FOXN2: variants seen among roughly 807,000 people sequenced by gnomAD.
FOXN2 encodes forkhead box protein N2.
A neutral mutation model predicts 41.2 loss-of-function variants in FOXN2; 19 were observed. The ratio of observed to expected loss-of-function variants is 0.46; its 90% CI spans 0.32 to 0.68. FOXN2 has a LOEUF of 0.68. Among genes scored for constraint, FOXN2 ranks in the 30% least tolerant of loss-of-function variants. The pLI, the probability that FOXN2 is intolerant of heterozygous loss-of-function variation, is 0.03. For missense variants in FOXN2, 587 were observed against 509.4 expected (o/e 1.15, Z -1.47); for synonymous variants, 195 against 176.8 (o/e 1.10, Z -0.82).
intron 4 of FOXN2, among the ~76,000 whole-genome samples, chr2:48,361,497 A>G (rs952580735): frequency 5.3e-5 from 8 of 152,066 alleles, no homozygotes; most frequent in Non-Finnish European, 1.2e-4. Flanking sequence ...AAACTACAAC[A>G]TAAGGGTTAT....
At chr2:48,373,168 C>T (rs1440736467) in intron 5 of FOXN2, 124 bp from the exon 6 acceptor site, 4 of 641,994 alleles carry the variant, frequency 6.2e-6, no homozygotes, top group Admixed American at 3.0e-5. Context: ...GTTTGATGTG[C>T]GTTTATGCTT....
chr2:48,358,352 A>G (rs932949401), intron 3 of FOXN2, among the ~76,000 whole-genome samples: 2 of 152,156 alleles, frequency 1.3e-5, no homozygotes, highest in African/African-American at 4.8e-5. Context: ...TCTCATTACA[A>G]TTCAGTGAAG....
intron 5 of FOXN2, among the ~76,000 whole-genome samples, chr2:48,370,382 T>A (rs1672810228): frequency 6.6e-6 from 1 of 152,220 alleles, no homozygotes; most frequent in African/African-American, 2.4e-5. Flanking sequence ...TGGGCATCAT[T>A]GATTCAAATC....
rs565401829 is a variant in FOXN2 at position 48,371,901 on chromosome 2, TACTG to T, written c.704-1387_704-1384del. On this transcript the variant is annotated intron_variant, in intron 5 of 6. Coordinates refer to ENST00000340553, the MANE Select transcript of FOXN2 (RefSeq NM_002158.4). ...GTATTAATTTTGTATCTTGCAACTT[TACTG>T]ACTATCAGTTCTAAGAGTTTTTTGG... 4.1e-3 allele frequency among the ~76,000 whole-genome samples: 632 copies of T among 152,334 alleles called. 6 individuals carry two copies. The highest frequency in any genetic ancestry group is 0.014 in the African/African-American group (583 of 41,584).
At chr2:48,330,638 G>T (rs911760822) in intron 2 of FOXN2, among the ~76,000 whole-genome samples, 3 of 151,850 alleles carry the variant, frequency 2.0e-5, no homozygotes, top group Non-Finnish European at 4.4e-5. Context: ...TTTGACATTT[G>T]TGAAATTGCT....
At chr2:48,357,205 C>G (rs1373031397) in intron 3 of FOXN2, among the ~76,000 whole-genome samples, 5 of 152,164 alleles carry the variant, frequency 3.3e-5, no homozygotes, top group African/African-American at 7.2e-5. Context: ...AGATACTTAA[C>G]TGCCCTGAAA....
rs1444882406 is a variant in FOXN2 at position 48,376,009 on chromosome 2, T to C, written c.*566T>C. 6.6e-6 allele frequency: 1 copy of C among 152,586 alleles called. No homozygotes were observed. Among genetic ancestry groups the C allele is most frequent in the East Asian group, 1.9e-4 (1 of 5,214 alleles). The allele number at this position is 152,586 out of a possible 1,614,324, so 9.5% of individuals were successfully genotyped here. ...AAAACATCCTGATGTTTAGAAAGTT[T>C]CTTTTGGTTACGTAGGTAGAGAATA... On this transcript the variant is annotated 3_prime_UTR_variant, in exon 7 of 7. Transcript: ENST00000340553.
intron 2 of FOXN2, among the ~76,000 whole-genome samples, chr2:48,335,310 G>A (rs1670263040): frequency 6.6e-6 from 1 of 152,020 alleles, no homozygotes. Flanking sequence ...AAAATTCAGT[G>A]GATAGGTATA....
intron 1 of FOXN2, among the ~76,000 whole-genome samples, chr2:48,321,117 T>A (rs1669286459): frequency 6.6e-6 from 1 of 152,216 alleles, no homozygotes; most frequent in South Asian, 2.1e-4. Flanking sequence ...CACTACATGT[T>A]ATGGTCTGTA....
chr2:48,363,293 A>T (rs75666845), intron 5 of FOXN2, among the ~76,000 whole-genome samples: 1 of 152,174 alleles, frequency 6.6e-6, no homozygotes, highest in African/African-American at 2.4e-5. Context: ...AATAGAAAAA[A>T]GCTTATAGGT....
In FOXN2 at chr2:48,376,115, G is replaced by C. The variant is rs767058078; in HGVS notation, c.*672G>C. 1 of 152,120 alleles carries C rather than the reference G, an allele frequency of 6.6e-6. No homozygotes were observed. Among genetic ancestry groups the C allele is most frequent in the Non-Finnish European group, 1.5e-5 (1 of 68,020 alleles). 9.4% of individuals were successfully genotyped at this position (152,120 alleles called of 1,614,324 possible). The stretch of plus-strand genomic sequence containing the variant: ...GAACACTCCCAATTCCTATTAGAAT[G>C]GTAGCTTTGAAGTGTTTTTACTTCA... On this transcript the variant is annotated 3_prime_UTR_variant, in exon 7 of 7. Transcript: ENST00000340553.
intron 1 of FOXN2, among the ~76,000 whole-genome samples, chr2:48,323,206 T>A (rs554135076): frequency 7.0e-4 from 106 of 152,286 alleles, no homozygotes; most frequent in African/African-American, 2.5e-3. Context: ...GTACATGTGA[T>A]ATTTTGGTAC....
At chr2:48,336,248 A>AT (rs1033326966) in intron 2 of FOXN2, among the ~76,000 whole-genome samples, 2 of 151,276 alleles carry the variant, frequency 1.3e-5, no homozygotes, top group Non-Finnish European at 2.9e-5. Context: ...TACCAAAAAT[A>AT]TTTTTTTAAA....
chr2:48,360,584 A>G (rs1672109232), intron 4 of FOXN2, among the ~76,000 whole-genome samples: 1 of 152,186 alleles, frequency 6.6e-6, no homozygotes, highest in South Asian at 2.1e-4. Context: ...TATAGATTAG[A>G]TGGATCATTA....
chr2:48,347,219 G>GC (rs1671165635), intron 3 of FOXN2, among the ~76,000 whole-genome samples: 1 of 107,338 alleles, frequency 9.3e-6, no homozygotes, highest in African/African-American at 3.4e-5. Context: ...GTGTTTTGGT[G>GC]CTTTTTTTTT....
At chr2:48,319,146 CAA>C (rs996161441) in intron 1 of FOXN2, among the ~76,000 whole-genome samples, 1 of 146,046 alleles carries the variant, frequency 6.8e-6, no homozygotes, top group African/African-American at 2.5e-5. Flanking sequence ...TTCTGCCACT[CAA>C]AAGCCTTTTT....
intron 5 of FOXN2, among the ~76,000 whole-genome samples, chr2:48,364,323 G>A (rs1448294837): frequency 1.3e-5 from 2 of 152,054 alleles, no homozygotes; most frequent in African/African-American, 4.8e-5. Context: ...ACAATCCTGG[G>A]CTTAAGCCAT....
At chr2:48,372,438 A>G (rs1672962088) in intron 5 of FOXN2, among the ~76,000 whole-genome samples, 1 of 152,180 alleles carries the variant, frequency 6.6e-6, no homozygotes, top group South Asian at 2.1e-4. Context: ...TAGAAATTTC[A>G]TATCTGAGTC....
intron 2 of FOXN2, among the ~76,000 whole-genome samples, chr2:48,339,915 A>G (rs925866285): frequency 1.3e-5 from 2 of 152,246 alleles, no homozygotes; most frequent in Admixed American, 1.3e-4. Context: ...GAATATTCAT[A>G]AAATGGAATA....
Sources: allele counts gnomAD v4.1 joint callset (sites outside exome capture counted in the v4.1 genomes callset), GRCh38; gene constraint gnomAD v4.1.1; transcripts MANE v1.5; gene names NCBI Gene and HGNC (gene_info 2026-07-23, HGNC 2026-07-21).